The following BTBD2 variants were observed in gnomAD, a reference collection of about 807,000 sequenced individuals.
BTBD2 encodes BTB domain containing 2, also known as BTB/POZ domain-containing protein 2.
Under a neutral mutation model 44.0 loss-of-function variants are expected in BTBD2, and 15 were observed. That is an observed-to-expected ratio of 0.34 (90% CI 0.23 to 0.53). BTBD2 has a LOEUF of 0.53. BTBD2 is among the 20% of genes least tolerant of loss of function. The probability of loss-of-function intolerance (pLI) is 0.95; values close to 1 mark genes in which losing one functional copy is unlikely to be tolerated. For synonymous variants in BTBD2, 443 were observed against 335.9 expected (o/e 1.32, Z -3.49); for missense variants, 657 against 746.4 (o/e 0.88, Z 1.39).
At chr19:1,997,879 C>G (rs2016272404) in intron 1 of BTBD2, among the ~76,000 whole-genome samples, 1 of 152,226 alleles carries the variant, frequency 6.6e-6, no homozygotes, top group Non-Finnish European at 1.5e-5. Context: ...CATTCATTCA[C>G]ACAGGCGTTC....
Position 1,992,884 on chromosome 19 carries a change from T to C in BTBD2, c.684+136A>G. 3 of 897,918 alleles carry C rather than the reference T, an allele frequency of 3.3e-6. No homozygotes were observed. The South Asian group carries it at 7.7e-5, about 23-fold the overall frequency. 55.6% of individuals were successfully genotyped at this position (897,918 alleles called of 1,614,324 possible). ...ACCACGCCCGGCCCAAAACACATTT[T>C]ACTACCAGGCAGGAGCCTGCTGCCT... On this transcript the variant is annotated intron_variant, in intron 3 of 8. Coordinates refer to ENST00000255608, the MANE Select transcript of BTBD2 (RefSeq NM_017797.4).
At position 1,986,984 on chromosome 19, in the gene BTBD2, G is replaced by C. The variant is rs2016095031; in HGVS notation, c.1270-8C>G. On this transcript the variant is annotated splice_region_variant and splice_polypyrimidine_tract_variant and intron_variant, in intron 7 of 8. Transcript: ENST00000255608. ...GCTATCGGTGTGAATAATCTGCGGG[G>C]AGGTGGGAAGTGGGAGGCTCAGGCC... The C allele has an allele frequency of 1.2e-6, 2 of 1,609,812 alleles. No homozygotes were observed. Among genetic ancestry groups the C allele is most frequent in the East Asian group, 2.2e-5 (1 of 44,826 alleles).
intron 1 of BTBD2, among the ~76,000 whole-genome samples, chr19:2,004,987 T>C (rs1384509424): frequency 1.3e-5 from 2 of 151,130 alleles, no homozygotes; most frequent in Non-Finnish European, 2.9e-5. Flanking sequence ...GCCCGGCTAA[T>C]TTTTTTGTAT....
At chr19:1,989,770 G>A in intron 5 of BTBD2, 1 of 574,158 alleles carries the variant, frequency 1.7e-6, no homozygotes, top group South Asian at 2.0e-5. Context: ...CAAAACAGCT[G>A]GACAGACACG....
At chr19:1,989,639 A>G in intron 5 of BTBD2, 1 of 313,746 alleles carries the variant, frequency 3.2e-6, no homozygotes, top group Non-Finnish European at 6.1e-6. Flanking sequence ...ACTCGGGCGC[A>G]TGACAGCCAC....
At chr19:1,989,433 T>C (rs1599347739) in intron 5 of BTBD2, 1 of 157,070 alleles carries the variant, frequency 6.4e-6, no homozygotes, top group Non-Finnish European at 1.4e-5. Flanking sequence ...CGCGTGGACC[T>C]GGGGAAGGCC....
At position 1,986,583 on chromosome 19, in the gene BTBD2, C is replaced by A; in HGVS notation, c.1483G>T (p.Ala495Ser). The change falls in exon 9 of 9, where the codon GCC becomes TCC. Residue 495 changes from alanine to serine, a missense_variant. Transcript: ENST00000255608. ...KVTHESPTTGAKTCFTFCYAA... is the reference protein window; with the variant it reads ...KVTHESPTTGSKTCFTFCYAA... ...TAGCAAAAGGTGAAGCAGGTCTTGG[C>A]GCCCGTGGTGGGCGACTCGTGTGTC... The A allele has an allele frequency of 6.2e-7, 1 of 1,614,038 alleles. No homozygotes were observed. Among genetic ancestry groups the A allele is most frequent in the East Asian group, 2.2e-5 (1 of 44,874 alleles).
At position 2,013,706 on chromosome 19, in the gene BTBD2, G is replaced by A. The variant is rs945991509; in HGVS notation, c.407+1591C>T. 1.8e-5 allele frequency: 18 copies of A among 983,888 alleles called. No individual in the cohort carries two copies. The African/African-American group carries it at 3.0e-4, about 16-fold the overall frequency. The allele number at this position is 983,888 out of a possible 1,614,324, so 60.9% of individuals were successfully genotyped here. A position where few individuals can be genotyped will look rare whatever the true frequency, so the allele number is the denominator to read the frequency against. On this transcript the variant is annotated intron_variant, in intron 1 of 8. Transcript: ENST00000255608. ...GTCTATGATCTGGACTGCAGGGCGG[G>A]CAGGGGGTATCCCTGGAGGGGAGCA...
intron 3 of BTBD2, chr19:1,991,184 G>T (rs1165760711): frequency 4.6e-6 from 1 of 217,482 alleles, no homozygotes; most frequent in Non-Finnish European, 9.4e-6. Context: ...CAGAGGTGAG[G>T]TGGCCGGGGC....
intron 1 of BTBD2, among the ~76,000 whole-genome samples, chr19:2,006,510 A>AG (rs1056847666): frequency 3.7e-4 from 54 of 147,412 alleles, no homozygotes; most frequent in African/African-American, 1.1e-3. Flanking sequence ...CCGTCTCAAA[A>AG]AAAAAAAAAA....
intron 5 of BTBD2, among the ~76,000 whole-genome samples, chr19:1,988,972 G>A (rs1467458714): frequency 6.6e-6 from 1 of 152,010 alleles, no homozygotes; most frequent in Non-Finnish European, 1.5e-5. Flanking sequence ...GAGTGCAGTG[G>A]CGCGATCTCG....
At chr19:1,994,942 T>C (rs575285834) in intron 2 of BTBD2, among the ~76,000 whole-genome samples, 5 of 152,228 alleles carry the variant, frequency 3.3e-5, no homozygotes, top group Non-Finnish European at 5.9e-5. Flanking sequence ...TCAAACCCAA[T>C]GTCATGAAGA....
chr19:2,010,002 A>G (rs2016443611), intron 1 of BTBD2, among the ~76,000 whole-genome samples: 1 of 151,118 alleles, frequency 6.6e-6, no homozygotes, highest in Non-Finnish European at 1.5e-5. Context: ...AAAAAATACA[A>G]TTAGCCAAGT....
At chr19:1,992,922 CCCGG>C in intron 3 of BTBD2, 94 bp downstream of exon 3, 1 of 1,012,466 alleles carries the variant, frequency 9.9e-7, no homozygotes, top group Non-Finnish European at 1.3e-6. Context: ...CGGGCCCGCC[CCCGG>C]CCCCGCCTCC....
At chr19:2,003,699 A>C (rs1047559486) in intron 1 of BTBD2, 1 of 150,030 alleles carries the variant, frequency 6.7e-6, no homozygotes, top group African/African-American at 2.4e-5. Context: ...TGAACCCGGG[A>C]GGCGGAGGTT....
intron 1 of BTBD2, among the ~76,000 whole-genome samples, chr19:2,003,922 T>TA (rs2145642970): frequency 6.6e-6 from 1 of 151,850 alleles, no homozygotes. Flanking sequence ...GCTACCAAGA[T>TA]AAAAAAGCTA....
At chr19:1,987,947 G>GCACT (rs763060732) in intron 5 of BTBD2, 6 of 509,622 alleles carry the variant, frequency 1.2e-5, no homozygotes, top group African/African-American at 1.2e-4. Flanking sequence ...TCTGACAGAT[G>GCACT]CACTCACTCA....
In BTBD2 at chr19:1,990,151, G is replaced by C; in HGVS notation, c.841C>G (p.Arg281Gly). Residue 281 changes from arginine to glycine, a missense_variant, in exon 5 of 9, where the codon CGG becomes GGG. Physicochemically the swap from Arg to Gly is moderately radical, Grantham distance 125. Around this residue, in one of 3 missense-constraint regions of BTBD2, gnomAD observed 449 missense variants for 510.9 expected, o/e 0.88. Transcript: ENST00000255608. ...CAGCGGACAACGGCATTGAACAGCCGCACCTCACGGATGCCCAGTGTGTCG... is the reference window on the plus strand; with the variant it reads ...CAGCGGACAACGGCATTGAACAGCCCCACCTCACGGATGCCCAGTGTGTCG... ...ERDTLGIREV[R>G]LFNAVVRWSE... is the part of the protein sequence containing the mutation. The C allele has an allele frequency of 6.2e-7, 1 of 1,610,766 alleles. No individual in the cohort carries two copies. Among genetic ancestry groups the C allele is most frequent in the Non-Finnish European group, 8.5e-7 (1 of 1,179,100 alleles).
chr19:1,993,218 GC>G, intron 2 of BTBD2, 42 bp from the exon 3 acceptor site: 1 of 1,572,780 alleles, frequency 6.4e-7, no homozygotes, highest in Non-Finnish European at 8.6e-7. Flanking sequence ...GGACCGCCAT[GC>G]CCGCCCCCAG....
Sources: allele counts gnomAD v4.1 joint callset (sites outside exome capture counted in the v4.1 genomes callset), GRCh38; gene constraint gnomAD v4.1.1; regional missense constraint gnomAD v4.1.1; transcripts MANE v1.5; gene names NCBI Gene and HGNC (gene_info 2026-07-23, HGNC 2026-07-21).